SYT1: variants seen among roughly 807,000 people sequenced by gnomAD.
SYT1 encodes synaptotagmin 1, also known as synaptotagmin-1.
In SYT1, 8 loss-of-function variants were observed where a neutral mutation model predicts 44.8. The observed-to-expected ratio is 0.18, with a 90% confidence interval of 0.10 to 0.32. The LOEUF (loss-of-function observed/expected upper bound fraction) is 0.32, where lower values mean the gene tolerates loss of function less well. SYT1 is among the 10% of genes least tolerant of loss of function. The pLI, the probability that SYT1 is intolerant of heterozygous loss-of-function variation, is 1.00. For synonymous variants in SYT1, 154 were observed against 188.8 expected, an observed-to-expected ratio of 0.82 and a Z score of 1.51; for missense variants, 286 against 509.3, an observed-to-expected ratio of 0.56 and a Z score of 4.22.
intron 4 of SYT1, among the ~76,000 whole-genome samples, chr12:79,248,207 G>A (rs143253919): frequency 1.3e-5 from 2 of 152,272 alleles, no homozygotes; most frequent in African/African-American, 2.4e-5. Flanking sequence ...ATGGAGAGTT[G>A]AGAAGATTAT....
intron 1 of SYT1, among the ~76,000 whole-genome samples, chr12:78,895,766 T>G (rs1875326474): frequency 6.6e-6 from 1 of 151,856 alleles, no homozygotes; most frequent in Admixed American, 6.6e-5. Flanking sequence ...TTATTTCAAG[T>G]TTTAGTCCAT....
intron 4 of SYT1, among the ~76,000 whole-genome samples, chr12:79,225,194 T>A (rs1221859262): frequency 6.7e-6 from 1 of 150,318 alleles, no homozygotes; most frequent in Non-Finnish European, 1.5e-5. Context: ...GTTGCAATAA[T>A]CCGGATGAGA....
At chr12:78,946,198 A>G (rs1035172862) in intron 1 of SYT1, among the ~76,000 whole-genome samples, 4 of 152,220 alleles carry the variant, frequency 2.6e-5, no homozygotes, top group African/African-American at 4.8e-5. Context: ...TTTCCAAAAG[A>G]TCATCTCTTC....
chr12:79,184,009 C>T (rs1272850368), intron 3 of SYT1, among the ~76,000 whole-genome samples: 1 of 152,068 alleles, frequency 6.6e-6, no homozygotes, highest in South Asian at 2.1e-4. Context: ...CCTAAAATAT[C>T]AGAAACAACA....
intron 4 of SYT1, among the ~76,000 whole-genome samples, chr12:79,218,682 T>C (rs978782293): frequency 6.6e-6 from 1 of 152,202 alleles, no homozygotes; most frequent in Non-Finnish European, 1.5e-5. Flanking sequence ...GGTTCATTCA[T>C]GTTGTCACGA....
At chr12:79,041,564 CT>C (rs1247291731) in intron 2 of SYT1, among the ~76,000 whole-genome samples, 1 of 152,198 alleles carries the variant, frequency 6.6e-6, no homozygotes, top group African/African-American at 2.4e-5. Flanking sequence ...ATCATGTCGT[CT>C]GCAAACAGGG....
In SYT1 at chr12:79,176,776, T is replaced by C. The variant is rs116485070; in HGVS notation, c.-17-40727T>C. 3.2e-3 allele frequency among the ~76,000 whole-genome samples: 484 copies of C among 152,102 alleles called. 2 individuals carry two copies. The highest frequency in any genetic ancestry group is 0.011 in the African/African-American group (472 of 41,538). On this transcript the variant is annotated intron_variant, in intron 3 of 10. Coordinates refer to ENST00000261205, the MANE Select transcript of SYT1 (RefSeq NM_005639.3). Reference sequence around the variant, plus strand: ...TCAATTTATTTTTTTTGGAGTAAACTAGATAAAAATAAGTTGAAGACACTT... The same window carrying C: ...TCAATTTATTTTTTTTGGAGTAAACCAGATAAAAATAAGTTGAAGACACTT...
At chr12:78,947,317 G>T (rs924918541) in intron 1 of SYT1, among the ~76,000 whole-genome samples, 7 of 152,084 alleles carry the variant, frequency 4.6e-5, no homozygotes, top group Admixed American at 2.0e-4. Context: ...CACTGGCAAA[G>T]CTCTTTTCCT....
intron 4 of SYT1, among the ~76,000 whole-genome samples, chr12:79,245,708 T>C (rs915305720): frequency 1.4e-4 from 21 of 152,166 alleles, no homozygotes; most frequent in African/African-American, 5.1e-4. Context: ...CTAGCTTCTA[T>C]CACTGTCTAA....
intron 9 of SYT1, among the ~76,000 whole-genome samples, chr12:79,373,298 A>T (rs1565930821): frequency 1.3e-5 from 2 of 152,192 alleles, no homozygotes; most frequent in African/African-American, 4.8e-5. Context: ...TTGGGAGCAC[A>T]TTCCTCTTTA....
intron 3 of SYT1, among the ~76,000 whole-genome samples, chr12:79,211,840 G>A (rs1367388380): frequency 6.6e-6 from 1 of 151,988 alleles, no homozygotes; most frequent in African/African-American, 2.4e-5. Context: ...GATGTGTTCT[G>A]TTAGTTTGGT....
chr12:79,064,987 A>C (rs938783188), intron 3 of SYT1, among the ~76,000 whole-genome samples: 1 of 145,500 alleles, frequency 6.9e-6, no homozygotes, highest in Non-Finnish European at 1.5e-5. Flanking sequence ...AAAGAAAGAA[A>C]GAAAGAAAGA....
At chr12:79,095,343 C>T (rs1878054976) in intron 3 of SYT1, among the ~76,000 whole-genome samples, 1 of 151,814 alleles carries the variant, frequency 6.6e-6, no homozygotes, top group South Asian at 2.1e-4. Flanking sequence ...AAACTTTTCT[C>T]ATTTAAAAGG....
intron 3 of SYT1, among the ~76,000 whole-genome samples, chr12:79,084,562 A>G (rs1877255251): frequency 6.6e-6 from 1 of 152,234 alleles, no homozygotes; most frequent in South Asian, 2.1e-4. Context: ...AGTGATATTC[A>G]CACTGGACTT....
At position 79,334,318 on chromosome 12, in the gene SYT1, G is replaced by A. The variant is rs528347284; in HGVS notation, c.811-19184G>A. The stretch of plus-strand genomic sequence containing the variant: ...TATGGTGCACACTGTTAGGCAAACC[G>A]ATTAAAACCCAGGACATATTTAATG... On this transcript the variant is annotated intron_variant, in intron 8 of 10. Transcript: ENST00000261205. 2.3e-4 allele frequency among the ~76,000 whole-genome samples: 35 copies of A among 152,142 alleles called. 1 individual carries two copies. In the East Asian group the frequency reaches 6.6e-3, roughly 29 times the overall value.
intron 2 of SYT1, among the ~76,000 whole-genome samples, chr12:78,996,690 A>G (rs1198023274): frequency 6.6e-6 from 1 of 152,194 alleles, no homozygotes; most frequent in Non-Finnish European, 1.5e-5. Flanking sequence ...GTGGAGTTCC[A>G]TGCCACACCC....
chr12:78,992,651 C>T (rs929650485), intron 2 of SYT1, among the ~76,000 whole-genome samples: 3 of 152,102 alleles, frequency 2.0e-5, no homozygotes, highest in Admixed American at 2.0e-4. Context: ...TCTAGTACAA[C>T]ATGAAAACCC....
intron 3 of SYT1, among the ~76,000 whole-genome samples, chr12:79,064,970 A>AAGAAAG (rs1244652670): frequency 6.6e-6 from 1 of 150,624 alleles, no homozygotes; most frequent in African/African-American, 2.4e-5. Context: ...GAAAGAAAGA[A>AAGAAAG]AGAAAGAAAG....
intron 3 of SYT1, among the ~76,000 whole-genome samples, chr12:79,149,876 CTT>C (rs1870159613): frequency 6.6e-6 from 1 of 152,168 alleles, no homozygotes; most frequent in Non-Finnish European, 1.5e-5. Flanking sequence ...ACTATAGTAT[CTT>C]CAATGCCAAG....
Sources: allele counts gnomAD v4.1 joint callset (sites outside exome capture counted in the v4.1 genomes callset), GRCh38; gene constraint gnomAD v4.1.1; transcripts MANE v1.5; gene names NCBI Gene and HGNC (gene_info 2026-07-23, HGNC 2026-07-21).